Variants in DEFB131A observed in about 807,000 individuals in gnomAD.
DEFB131A encodes defensin beta 131A.
Under a neutral mutation model 2.4 loss-of-function variants are expected in DEFB131A, and 5 were observed. The observed-to-expected ratio is 2.12, with a 90% CI of 1.11 to 4.47. DEFB131A has a LOEUF of 4.47. Among genes scored for constraint, DEFB131A ranks in the 30% most tolerant of loss-of-function variants. The pLI, the probability that DEFB131A is intolerant of heterozygous loss-of-function variation, is 0.00. For missense variants in DEFB131A, 120 were observed against 79.9 expected, an observed-to-expected ratio of 1.50 and a Z score of -1.91; for synonymous variants, 34 against 25.7, an observed-to-expected ratio of 1.32 and a Z score of -0.97.
At chr4:9,447,601 T>C (rs556437092) in intron 1 of DEFB131A, among the ~76,000 whole-genome samples, 3 of 152,186 alleles carry the variant, frequency 2.0e-5, no homozygotes, top group East Asian at 3.9e-4. Flanking sequence ...TGTCCTCTTA[T>C]GGCATTTTTT....
intron 1 of DEFB131A, among the ~76,000 whole-genome samples, chr4:9,449,977 A>G (rs1183742502): frequency 6.6e-6 from 1 of 152,072 alleles, no homozygotes; most frequent in Non-Finnish European, 1.5e-5. Context: ...TTCAAGGCCA[A>G]CCCCTCTACT....
chr4:9,448,574 T>G (rs1237657928), intron 1 of DEFB131A, among the ~76,000 whole-genome samples: 3 of 152,166 alleles, frequency 2.0e-5, no homozygotes, highest in African/African-American at 7.2e-5. Context: ...TCCGCCCGCC[T>G]TGGCCTCCCA....
intron 1 of DEFB131A, among the ~76,000 whole-genome samples, chr4:9,448,416 C>G (rs1210650445): frequency 6.6e-6 from 1 of 152,040 alleles, no homozygotes; most frequent in Non-Finnish European, 1.5e-5. Context: ...TGGCAGTGAC[C>G]TTGGCTCACT....
chr4:9,448,934 TA>T (rs1172689349), intron 1 of DEFB131A, among the ~76,000 whole-genome samples: 3 of 152,080 alleles, frequency 2.0e-5, no homozygotes, highest in African/African-American at 7.2e-5. Flanking sequence ...AATTTTTTTG[TA>T]AAAAACTCTA....
chr4:9,449,652 A>G (rs1449326072), intron 1 of DEFB131A, among the ~76,000 whole-genome samples: 1 of 152,014 alleles, frequency 6.6e-6, no homozygotes, highest in African/African-American at 2.4e-5. Context: ...ATTTTAACTT[A>G]TAAATTGTAA....
At chr4:9,448,893 A>G (rs1344814843) in intron 1 of DEFB131A, among the ~76,000 whole-genome samples, 4 of 152,166 alleles carry the variant, frequency 2.6e-5, no homozygotes, top group Non-Finnish European at 5.9e-5. Flanking sequence ...GGGGGTGGGA[A>G]TGAGTAAAAT....
intron 1 of DEFB131A, among the ~76,000 whole-genome samples, chr4:9,444,883 G>A (rs189260478): frequency 1.2e-3 from 169 of 146,520 alleles, no homozygotes; most frequent in African/African-American, 4.0e-3. Flanking sequence ...CCTGGTGGGG[G>A]CAACAGGGTG....
intron 1 of DEFB131A, among the ~76,000 whole-genome samples, chr4:9,446,496 G>A (rs1183234819): frequency 2.0e-5 from 3 of 152,000 alleles, no homozygotes; most frequent in African/African-American, 7.2e-5. Flanking sequence ...TTCTTGGTTA[G>A]TCTAGCTAGC....
intron 1 of DEFB131A, among the ~76,000 whole-genome samples, chr4:9,448,587 G>T (rs1717566856): frequency 6.6e-6 from 1 of 152,122 alleles, no homozygotes; most frequent in African/African-American, 2.4e-5. Flanking sequence ...GCCTCCCAAA[G>T]TACCAGGATT....
In DEFB131A at chr4:9,444,442, C is replaced by T. The variant is rs1717427821; in HGVS notation, c.-92C>T. The stretch of plus-strand genomic sequence containing the variant: ...GCTCCTGAAAGGTTCAATAATCACT[C>T]AACAACTCACCTCTTCAGAGAACTG... On this transcript the variant is annotated 5_prime_UTR_variant, in exon 1 of 2. Coordinates refer to ENST00000334879, the MANE Select transcript of DEFB131A (RefSeq NM_001040448.3). The T allele has an allele frequency of 1.1e-5, 16 of 1,446,814 alleles. No homozygotes were observed. The East Asian group carries it at 1.8e-4, about 16-fold the overall frequency. 89.6% of individuals were successfully genotyped at this position (1,446,814 alleles called of 1,614,324 possible). A position where few individuals can be genotyped will look rare whatever the true frequency, so the allele number is the denominator to read the frequency against.
At chr4:9,447,700 T>C (rs1379240073) in intron 1 of DEFB131A, among the ~76,000 whole-genome samples, 1 of 151,042 alleles carries the variant, frequency 6.6e-6, no homozygotes, top group African/African-American at 2.5e-5. Flanking sequence ...AGTCTCATTT[T>C]AGCTTTATCA....
intron 1 of DEFB131A, among the ~76,000 whole-genome samples, chr4:9,449,495 C>T (rs1437932532): frequency 1.3e-5 from 2 of 150,098 alleles, no homozygotes; most frequent in Non-Finnish European, 3.0e-5. Flanking sequence ...TATTCACATG[C>T]AAAAGAATAA....
intron 1 of DEFB131A, among the ~76,000 whole-genome samples, chr4:9,445,273 C>T (rs1577079183): frequency 6.6e-6 from 1 of 151,972 alleles, no homozygotes; most frequent in East Asian, 1.9e-4. Context: ...AAATTCACCA[C>T]TGATCCAGGC....
At chr4:9,447,703 C>T (rs7657646) in intron 1 of DEFB131A, among the ~76,000 whole-genome samples, 1 of 148,056 alleles carries the variant, frequency 6.8e-6, no homozygotes, top group Non-Finnish European at 1.5e-5. Context: ...CTCATTTTAG[C>T]TTTATCAGTC....
intron 1 of DEFB131A, among the ~76,000 whole-genome samples, 156 bp from the exon 2 acceptor site, chr4:9,450,204 T>A (rs1717619065): frequency 6.6e-6 from 1 of 152,224 alleles, no homozygotes; most frequent in Admixed American, 6.5e-5. Context: ...TTGTCTTTAT[T>A]CAGCATCTCC....
At chr4:9,446,137 GA>G (rs778810183) in intron 1 of DEFB131A, among the ~76,000 whole-genome samples, 2 of 152,036 alleles carry the variant, frequency 1.3e-5, no homozygotes, top group Non-Finnish European at 2.9e-5. Context: ...ATTCATGGAG[GA>G]AAAGTATAAT....
At chr4:9,444,648 A>T (rs1332551351) in intron 1 of DEFB131A, 57 bp downstream of exon 1, 14 of 1,548,470 alleles carry the variant, frequency 9.0e-6, no homozygotes, top group Non-Finnish European at 1.8e-6. Flanking sequence ...AAGAAAATGC[A>T]AGGTCTTTCA....
At chr4:9,448,613 C>T (rs558486558) in intron 1 of DEFB131A, among the ~76,000 whole-genome samples, 15 of 152,236 alleles carry the variant, frequency 9.9e-5, no homozygotes, top group African/African-American at 1.4e-4. Flanking sequence ...TGCAGGCCAC[C>T]GCACCCAGCC....
intron 1 of DEFB131A, among the ~76,000 whole-genome samples, chr4:9,447,994 G>A (rs539250392): frequency 6.6e-5 from 10 of 152,176 alleles, no homozygotes; most frequent in African/African-American, 2.4e-4. Context: ...TGAAATATCA[G>A]GAGGAGGGGA....
Sources: gnomAD v4.1 joint callset for allele counts (sites outside exome capture counted in the v4.1 genomes callset) on GRCh38, gnomAD v4.1.1 for gene constraint, MANE v1.5 for transcripts, NCBI Gene and HGNC (gene_info 2026-07-23, HGNC 2026-07-21) for gene names.